Variants in CHCHD3 observed in about 807,000 individuals in gnomAD.
The protein encoded by CHCHD3 is MICOS complex subunit MIC19.
Under a neutral mutation model 38.2 loss-of-function variants are expected in CHCHD3, and 20 were observed. The observed-to-expected ratio is 0.52, with a 90% confidence interval of 0.37 to 0.76. The LOEUF (loss-of-function observed/expected upper bound fraction) is 0.76. CHCHD3 is among the 30% of genes least tolerant of loss of function. The pLI, the probability that CHCHD3 is intolerant of heterozygous loss-of-function variation, is 0.00. For synonymous variants in CHCHD3, 82 were observed against 100.0 expected, an observed-to-expected ratio of 0.82 and a Z score of 1.07; for missense variants, 245 against 279.2, an observed-to-expected ratio of 0.88 and a Z score of 0.87.
chr7:132,841,888 G>A (rs1786083616), intron 5 of CHCHD3, among the ~76,000 whole-genome samples: 1 of 151,954 alleles, frequency 6.6e-6, no homozygotes, highest in Non-Finnish European at 1.5e-5. Flanking sequence ...ACAAGGTCAG[G>A]AGTTCGAGAC....
At chr7:133,000,789 T>G (rs1453570508) in intron 3 of CHCHD3, among the ~76,000 whole-genome samples, 2 of 152,162 alleles carry the variant, frequency 1.3e-5, no homozygotes, top group Non-Finnish European at 2.9e-5. Flanking sequence ...TAAAGAGATG[T>G]TATATTTGTC....
intron 5 of CHCHD3, among the ~76,000 whole-genome samples, chr7:132,875,615 G>C (rs1339124203): frequency 2.0e-5 from 3 of 152,196 alleles, no homozygotes; most frequent in Non-Finnish European, 4.4e-5. Flanking sequence ...TTGCGCCACT[G>C]TGTCAACTGA....
Position 132,838,372 on chromosome 7 carries a change from A to G in CHCHD3, c.524+27T>C, listed in dbSNP as rs747323760. 8 of 1,464,666 alleles carry G rather than the reference A, an allele frequency of 5.5e-6. No homozygotes were observed. In the African/African-American group the frequency reaches 7.0e-5, roughly 13 times the overall value. 90.7% of individuals were successfully genotyped at this position (1,464,666 alleles called of 1,614,324 possible). ...GCTTTCATCTTGTTAAGAATAGTAA[A>G]TAATTATAATACTATTAAAAACTTA... On this transcript the variant is annotated intron_variant, in intron 6 of 7. Transcript: ENST00000262570.
intron 2 of CHCHD3, among the ~76,000 whole-genome samples, chr7:133,069,343 T>C (rs936652287): frequency 6.6e-6 from 1 of 151,994 alleles, no homozygotes; most frequent in South Asian, 2.1e-4. Context: ...CCCAAGTGAA[T>C]GGCATTTGGG....
chr7:132,819,309 A>C (rs1205406814), intron 6 of CHCHD3, among the ~76,000 whole-genome samples: 1 of 152,208 alleles, frequency 6.6e-6, no homozygotes, highest in Non-Finnish European at 1.5e-5. Flanking sequence ...CTTTCAGAGT[A>C]AAAACACTCT....
chr7:132,909,423 G>T (rs756946779), intron 4 of CHCHD3, among the ~76,000 whole-genome samples: 9 of 152,122 alleles, frequency 5.9e-5, no homozygotes, highest in Non-Finnish European at 1.2e-4. Context: ...CCCAGGAAGT[G>T]GAGGTTGCAG....
At chr7:132,923,379 C>T (rs144551524) in intron 4 of CHCHD3, among the ~76,000 whole-genome samples, 75 of 152,152 alleles carry the variant, frequency 4.9e-4, no homozygotes, top group African/African-American at 1.7e-3. Context: ...ACTTCAAACT[C>T]GCCTTTCCAT....
In CHCHD3 at chr7:132,875,914, T is replaced by C. The variant is rs543200279; in HGVS notation, c.453+9748A>G. On this transcript the variant is annotated intron_variant, in intron 5 of 7. Transcript: ENST00000262570. ...AGATGTGGGCACTTCTATTTGATGA[T>C]GTTATGAGCTAATATTATTTGCAAA... Among the ~76,000 whole-genome samples the C allele has an allele frequency of 2.6e-5, 4 of 152,350 alleles. No homozygotes were observed. The South Asian group carries it at 8.3e-4, about 32-fold the overall frequency.
intron 5 of CHCHD3, among the ~76,000 whole-genome samples, chr7:132,882,603 A>G (rs1234335721): frequency 1.3e-5 from 2 of 151,842 alleles, no homozygotes; most frequent in Non-Finnish European, 2.9e-5. Context: ...GCAGTTGTTG[A>G]GCAGATAAGT....
chr7:133,067,107 T>A (rs941414212), intron 2 of CHCHD3, among the ~76,000 whole-genome samples: 5 of 152,246 alleles, frequency 3.3e-5, no homozygotes, highest in South Asian at 2.1e-4. Flanking sequence ...TAAAATGGGT[T>A]ATCACAGGTC....
At chr7:133,038,852 A>T (rs1290397763) in intron 2 of CHCHD3, among the ~76,000 whole-genome samples, 3 of 152,264 alleles carry the variant, frequency 2.0e-5, no homozygotes, top group Admixed American at 2.0e-4. Flanking sequence ...CACTTTGGCT[A>T]TGAAATAGAG....
At position 133,075,885 on chromosome 7, in the gene CHCHD3, C is replaced by T. The variant is rs527857013; in HGVS notation, c.82-5656G>A. 1.7e-3 allele frequency among the ~76,000 whole-genome samples: 259 copies of T among 151,948 alleles called. 2 individuals carry two copies. Among genetic ancestry groups the T allele is most frequent in the African/African-American group, 5.9e-3 (246 of 41,448 alleles). The stretch of plus-strand genomic sequence containing the variant: ...CCATCCTGGCTAACACGGTGAAACC[C>T]CATCTCTACTAAAAATATAAAAAAT... On this transcript the variant is annotated intron_variant, in intron 1 of 7. Transcript: ENST00000262570.
intron 4 of CHCHD3, among the ~76,000 whole-genome samples, chr7:132,938,648 T>G (rs1810688354): frequency 6.6e-6 from 1 of 152,136 alleles, no homozygotes; most frequent in South Asian, 2.1e-4. Context: ...GAAATTGGAA[T>G]GCAAGAAAGC....
chr7:132,799,646 G>A (rs750160884), intron 6 of CHCHD3, among the ~76,000 whole-genome samples: 5 of 152,098 alleles, frequency 3.3e-5, no homozygotes, highest in Non-Finnish European at 7.4e-5. Flanking sequence ...ATAAAGAAGT[G>A]GGAAGATCTA....
At chr7:132,994,696 CTAGT>C (rs10543783) in intron 3 of CHCHD3, among the ~76,000 whole-genome samples, 30,924 of 152,016 alleles carry the variant, frequency 0.2, 3,403 homozygotes, top group South Asian at 0.26. Flanking sequence ...TTATTATTAG[CTAGT>C]TAAACATAGG....
At chr7:132,992,269 A>G (rs571580860) in intron 3 of CHCHD3, among the ~76,000 whole-genome samples, 13 of 152,194 alleles carry the variant, frequency 8.5e-5, no homozygotes, top group Non-Finnish European at 1.2e-4. Flanking sequence ...AATCAGCCTC[A>G]GTGCACCCCA....
At chr7:132,923,632 T>C (rs1810311062) in intron 4 of CHCHD3, among the ~76,000 whole-genome samples, 1 of 152,078 alleles carries the variant, frequency 6.6e-6, no homozygotes, top group Non-Finnish European at 1.5e-5. Context: ...AGCCATAAAA[T>C]TACATATAAA....
At chr7:132,951,848 A>T (rs1417260837) in intron 4 of CHCHD3, among the ~76,000 whole-genome samples, 1 of 152,212 alleles carries the variant, frequency 6.6e-6, no homozygotes, top group Non-Finnish European at 1.5e-5. Context: ...CAGGTAAGTG[A>T]GGTGACTAGC....
chr7:132,975,102 A>T, intron 4 of CHCHD3, 67 bp downstream of exon 4: 1 of 1,194,816 alleles, frequency 8.4e-7, no homozygotes, highest in Non-Finnish European at 1.2e-6. Flanking sequence ...CAGAGTACTT[A>T]GCTCTTCCCA....
Sources: allele counts gnomAD v4.1 joint callset (sites outside exome capture counted in the v4.1 genomes callset), GRCh38; gene constraint gnomAD v4.1.1; transcripts MANE v1.5; gene names NCBI Gene and HGNC (gene_info 2026-07-23, HGNC 2026-07-21).